ZMIZ1: variants seen among roughly 807,000 people sequenced by gnomAD.
ZMIZ1 encodes the protein zinc finger MIZ-type containing 1, also known as zinc finger MIZ domain-containing protein 1.
In ZMIZ1, 17 loss-of-function variants were observed where a neutral mutation model predicts 113.9. That is an observed-to-expected ratio of 0.15 (90% CI 0.10 to 0.22). The LOEUF is 0.22. Among genes scored for constraint, ZMIZ1 ranks in the 10% least tolerant of loss-of-function variants. The pLI, the probability that ZMIZ1 is intolerant of heterozygous loss-of-function variation, is 1.00. For synonymous variants in ZMIZ1, 607 were observed against 603.1 expected, an observed-to-expected ratio of 1.01 and a Z score of -0.09; for missense variants, 1,059 against 1,477.8, an observed-to-expected ratio of 0.72 and a Z score of 4.65.
chr10:79,071,112 C>G (rs1842268441), intron 1 of ZMIZ1, among the ~76,000 whole-genome samples: 1 of 152,160 alleles, frequency 6.6e-6, no homozygotes, highest in Non-Finnish European at 1.5e-5. Flanking sequence ...GGGCCCAGCC[C>G]CAAAGATTTA....
intron 5 of ZMIZ1, among the ~76,000 whole-genome samples, chr10:79,204,568 C>T (rs1001002314): frequency 6.6e-6 from 1 of 152,206 alleles, no homozygotes; most frequent in Non-Finnish European, 1.5e-5. Flanking sequence ...GCTATGGGCC[C>T]TGTAGGAATA....
chr10:79,106,164 C>T (rs1843548747), intron 1 of ZMIZ1, among the ~76,000 whole-genome samples: 1 of 152,236 alleles, frequency 6.6e-6, no homozygotes, highest in Non-Finnish European at 1.5e-5. Flanking sequence ...TGTGCCTCTC[C>T]ATTGAAGTTC....
At chr10:79,156,435 C>T (rs1433132858) in intron 3 of ZMIZ1, among the ~76,000 whole-genome samples, 1 of 152,164 alleles carries the variant, frequency 6.6e-6, no homozygotes, top group Non-Finnish European at 1.5e-5. Flanking sequence ...CTCAGCTTGC[C>T]AGGCCTGCAC....
chr10:79,103,544 G>A (rs1169439130), intron 1 of ZMIZ1, among the ~76,000 whole-genome samples: 1 of 151,946 alleles, frequency 6.6e-6, no homozygotes, highest in Non-Finnish European at 1.5e-5. Flanking sequence ...GGGTGGAGAG[G>A]GCATTTGATC....
At chr10:79,238,783 GT>G (rs1315616068) in intron 7 of ZMIZ1, among the ~76,000 whole-genome samples, 1 of 152,224 alleles carries the variant, frequency 6.6e-6, no homozygotes, top group Non-Finnish European at 1.5e-5. Flanking sequence ...CTCTGTTTTA[GT>G]TTCTGTACAG....
intron 2 of ZMIZ1, among the ~76,000 whole-genome samples, chr10:79,125,327 G>A (rs1312829849): frequency 6.6e-6 from 1 of 152,208 alleles, no homozygotes; most frequent in Non-Finnish European, 1.5e-5. Flanking sequence ...CAGCCCGGGG[G>A]CACACAGCAT....
chr10:79,124,685 G>A (rs1480786528), intron 2 of ZMIZ1, among the ~76,000 whole-genome samples: 2 of 152,214 alleles, frequency 1.3e-5, no homozygotes, highest in Non-Finnish European at 2.9e-5. Context: ...CATGCTGTAG[G>A]AGGCAGCCAG....
intron 8 of ZMIZ1, among the ~76,000 whole-genome samples, chr10:79,285,147 G>A (rs892046854): frequency 6.6e-6 from 1 of 152,184 alleles, no homozygotes; most frequent in African/African-American, 2.4e-5. Context: ...AGCCTGATAC[G>A]GTCTGGTGAC....
intron 1 of ZMIZ1, among the ~76,000 whole-genome samples, chr10:79,116,769 C>T (rs941819215): frequency 1.3e-4 from 20 of 152,182 alleles, no homozygotes; most frequent in African/African-American, 4.6e-4. Flanking sequence ...CTGTAGCTGC[C>T]AGGCAGATCA....
At chr10:79,310,883 C>T (rs1564610066) in intron 23 of ZMIZ1, 41 bp from the exon 24 acceptor site, 2 of 1,587,698 alleles carry the variant, frequency 1.3e-6, no homozygotes, top group Middle Eastern at 1.7e-4. Context: ...CGTGCCTCCT[C>T]ACCTCACCTC....
chr10:79,251,520 C>A (rs1333254685), intron 7 of ZMIZ1, among the ~76,000 whole-genome samples: 1 of 152,080 alleles, frequency 6.6e-6, no homozygotes, highest in Non-Finnish European at 1.5e-5. Context: ...GACACTCCCC[C>A]AACCCCTCAC....
chr10:79,178,266 T>C (rs888731701), intron 4 of ZMIZ1, among the ~76,000 whole-genome samples: 7 of 152,214 alleles, frequency 4.6e-5, no homozygotes, highest in Admixed American at 1.3e-4. Context: ...CGAGTGCTCA[T>C]GGCCGCCCTT....
At chr10:79,166,003 G>GTGTGTGTGTGTGTGTGTGTGTGTGT (rs1309575802) in intron 4 of ZMIZ1, among the ~76,000 whole-genome samples, 7 of 44,514 alleles carry the variant, frequency 1.6e-4, no homozygotes, top group Middle Eastern at 0.013. Flanking sequence ...TGTGTGTGTG[G>GTGTGTGTGTGTGTGTGTGTGTGTGT]GCTCTCCCTG....
At chr10:79,082,009 A>C (rs931339137) in intron 1 of ZMIZ1, among the ~76,000 whole-genome samples, 1 of 152,202 alleles carries the variant, frequency 6.6e-6, no homozygotes, top group Non-Finnish European at 1.5e-5. Context: ...CTGGAGCTAA[A>C]ATCCAGGTGT....
intron 7 of ZMIZ1, among the ~76,000 whole-genome samples, chr10:79,272,856 C>T (rs1184656493): frequency 6.6e-6 from 1 of 152,210 alleles, no homozygotes; most frequent in Non-Finnish European, 1.5e-5. Context: ...TCAGCATTGG[C>T]AGTTCGAGTC....
At position 79,290,395 on chromosome 10, in the gene ZMIZ1, T is replaced by C. The variant is rs537668238; in HGVS notation, c.540+506T>C. On this transcript the variant is annotated intron_variant, in intron 9 of 24. Transcript: ENST00000334512. ...CAGGGAGTCTCCCACCTGTCTGACC[T>C]CTGCCAGCCTTTTCTGTGGCTACAT... Among the ~76,000 whole-genome samples the C allele has an allele frequency of 3.9e-5, 6 of 152,322 alleles. No homozygotes were observed. In the East Asian group the frequency reaches 1.2e-3, roughly 29 times the overall value.
At chr10:79,246,338 C>T (rs1238178966) in intron 7 of ZMIZ1, among the ~76,000 whole-genome samples, 23 of 152,356 alleles carry the variant, frequency 1.5e-4, no homozygotes, top group African/African-American at 4.6e-4. Context: ...ATCCATTGAT[C>T]GGGCGGGAGC....
intron 23 of ZMIZ1, among the ~76,000 whole-genome samples, chr10:79,308,475 C>G (rs1423341249): frequency 1.3e-5 from 2 of 152,124 alleles, no homozygotes; most frequent in Non-Finnish European, 2.9e-5. Flanking sequence ...CTGGGCCACA[C>G]CAGCCAGGGA....
At chr10:79,221,399 C>G (rs1478366927) in intron 7 of ZMIZ1, among the ~76,000 whole-genome samples, 2 of 152,224 alleles carry the variant, frequency 1.3e-5, no homozygotes, top group Non-Finnish European at 2.9e-5. Flanking sequence ...TTTGTTCTGG[C>G]GCAGCCTTTA....
Sources: gnomAD v4.1 joint callset for allele counts (sites outside exome capture counted in the v4.1 genomes callset) on GRCh38, gnomAD v4.1.1 for gene constraint, MANE v1.5 for transcripts, NCBI Gene and HGNC (gene_info 2026-07-23, HGNC 2026-07-21) for gene names.